Variants in NEBL observed in about 807,000 individuals in gnomAD.
The protein encoded by NEBL is LIM and SH3 protein 2.
Under a neutral mutation model 140.2 loss-of-function variants are expected in NEBL, and 122 were observed. The ratio of observed to expected loss-of-function variants is 0.87; its 90% CI spans 0.75 to 1.01. NEBL has a LOEUF of 1.01. Ranked by LOEUF, NEBL falls within the 50% of genes least tolerant of loss-of-function variation. The pLI is 0.00. For missense variants in NEBL, 1,365 were observed against 1,231.3 expected, an observed-to-expected ratio of 1.11 and a Z score of -1.62; for synonymous variants, 436 against 398.9, an observed-to-expected ratio of 1.09 and a Z score of -1.11.
chr10:20,949,526 C>T (rs548487585), intron 4 of NEBL, among the ~76,000 whole-genome samples: 2 of 152,252 alleles, frequency 1.3e-5, no homozygotes, highest in Non-Finnish European at 2.9e-5. Flanking sequence ...GAAGGAACCA[C>T]GGCCAGAGTT....
Position 21,141,738 on chromosome 10 carries a change from T to C in NEBL, c.164+30645A>G, listed in dbSNP as rs866536867. ...CCCATTCTTAATAAAAGTCAGAAAA[T>C]CTCAGAGTGTGTTATCTGAAGTATG... On this transcript the variant is annotated intron_variant, in intron 2 of 6. Coordinates refer to the NEBL transcript ENST00000417816. 3.3e-5 allele frequency among the ~76,000 whole-genome samples: 5 copies of C among 152,200 alleles called. No individual in the cohort carries two copies. In the Middle Eastern group the frequency reaches 0.014, roughly 414 times the overall value.
chr10:21,178,851 A>G (rs914343409), upstream of NEBL, among the ~76,000 whole-genome samples: 7 of 152,226 alleles, frequency 4.6e-5, no homozygotes, highest in African/African-American at 1.7e-4. Context: ...GTAGGAGGAC[A>G]AGCAACCCTT....
At position 20,894,737 on chromosome 10, in the gene NEBL, AC is replaced by A. The variant is rs1285025589; in HGVS notation, c.153+2220del. 8.6e-5 allele frequency among the ~76,000 whole-genome samples: 12 copies of A among 139,444 alleles called. No homozygotes were observed. In the South Asian group the frequency reaches 2.8e-3, roughly 32 times the overall value. The allele number at this position is 139,444 out of a possible 152,430, so 91.5% of individuals were successfully genotyped here. ...AGTCCATCCTAACTAACACGGTGAA[AC>A]CCCGTCTCTACTAAAAAAAAAAAAA... On this transcript the variant is annotated intron_variant, in intron 2 of 27. Coordinates refer to ENST00000377122, the MANE Select transcript of NEBL (RefSeq NM_006393.3).
At chr10:21,044,397 T>TA (rs57176129) in intron 2 of NEBL, among the ~76,000 whole-genome samples, 5,190 of 34,562 alleles carry the variant, frequency 0.15, 1,258 homozygotes, top group Middle Eastern at 0.32. Context: ...AGAGTAAGAA[T>TA]AAAAAAAAAA....
At chr10:20,841,888 A>T (rs1247369241) in intron 12 of NEBL, among the ~76,000 whole-genome samples, 5 of 152,112 alleles carry the variant, frequency 3.3e-5, no homozygotes, top group African/African-American at 1.2e-4. Flanking sequence ...CATTAATAAT[A>T]GTTTGAATTT....
intron 26 of NEBL, among the ~76,000 whole-genome samples, chr10:20,798,602 C>T (rs1013255723): frequency 6.6e-6 from 1 of 152,194 alleles, no homozygotes; most frequent in African/African-American, 2.4e-5. Flanking sequence ...TTCTCCTTTA[C>T]ATGCATGTCA....
intron 5 of NEBL, 77 bp downstream of exon 5, chr10:20,880,717 T>A (rs1845939543): frequency 9.1e-7 from 1 of 1,100,172 alleles, no homozygotes; most frequent in African/African-American, 1.5e-5. Flanking sequence ...ATGTTTAAAT[T>A]TCAGCAAAAT....
chr10:20,943,976 G>A (rs574821136), intron 4 of NEBL, among the ~76,000 whole-genome samples: 24 of 152,284 alleles, frequency 1.6e-4, no homozygotes, highest in South Asian at 1.5e-3. Flanking sequence ...CTAGTCTCTG[G>A]TCTGTTTAAT....
intron 2 of NEBL, among the ~76,000 whole-genome samples, chr10:21,152,305 T>C (rs1193605113): frequency 2.0e-5 from 3 of 152,102 alleles, no homozygotes; most frequent in Non-Finnish European, 4.4e-5. Context: ...GTGACGCCAG[T>C]GTAATATTTT....
At position 21,024,861 on chromosome 10, in the gene NEBL, A is replaced by G. The variant is rs904154641; in HGVS notation, c.165-4660T>C. 2.0e-5 allele frequency among the ~76,000 whole-genome samples: 3 copies of G among 152,226 alleles called. No homozygotes were observed. In the East Asian group the frequency reaches 5.8e-4, roughly 29 times the overall value. On this transcript the variant is annotated intron_variant, in intron 2 of 6. Coordinates refer to the NEBL transcript ENST00000417816. Reference sequence around the variant, plus strand: ...AAGAAAACCAGATAAGATAAGAAATAAACTGAGGGGCTGGTGGTCCTCATA... The same window carrying G: ...AAGAAAACCAGATAAGATAAGAAATGAACTGAGGGGCTGGTGGTCCTCATA...
intron 4 of NEBL, among the ~76,000 whole-genome samples, chr10:20,936,322 G>A (rs1834481805): frequency 6.6e-6 from 1 of 152,108 alleles, no homozygotes; most frequent in African/African-American, 2.4e-5. Flanking sequence ...TACGGTAAAA[G>A]GGGCAATAAA....
chr10:20,926,407 T>A (rs1833915633), intron 4 of NEBL, among the ~76,000 whole-genome samples: 1 of 17,652 alleles, frequency 5.7e-5, no homozygotes, highest in South Asian at 1.1e-3. Flanking sequence ...AAATTTTGCT[T>A]CTTTTATGAT....
chr10:21,140,950 A>C (rs1404760291), intron 2 of NEBL, among the ~76,000 whole-genome samples: 5 of 152,046 alleles, frequency 3.3e-5, no homozygotes, highest in Non-Finnish European at 5.9e-5. Flanking sequence ...CCAGAACTTA[A>C]AGTAAAATTA....
intron 4 of NEBL, among the ~76,000 whole-genome samples, chr10:20,921,950 G>A (rs780918595): frequency 6.6e-6 from 1 of 152,122 alleles, no homozygotes; most frequent in Non-Finnish European, 1.5e-5. Flanking sequence ...TCTGTGTAAG[G>A]TTAGTAATAA....
At chr10:21,001,912 C>T (rs1837919049) in intron 3 of NEBL, among the ~76,000 whole-genome samples, 1 of 152,168 alleles carries the variant, frequency 6.6e-6, no homozygotes, top group African/African-American at 2.4e-5. Flanking sequence ...CTCTGTTTTT[C>T]CACCAACACT....
chr10:21,146,906 C>T (rs1353299337), intron 2 of NEBL, among the ~76,000 whole-genome samples: 1 of 152,042 alleles, frequency 6.6e-6, no homozygotes, highest in African/African-American at 2.4e-5. Flanking sequence ...GGGAGATAGG[C>T]CTTAGGGTTT....
intron 2 of NEBL, among the ~76,000 whole-genome samples, chr10:21,251,126 G>A (rs1842583034): frequency 6.6e-6 from 1 of 151,812 alleles, no homozygotes; most frequent in Non-Finnish European, 1.5e-5. Flanking sequence ...TATTATTTTT[G>A]CTTGTGATAT....
chr10:20,849,153 T>C (rs183005362), intron 11 of NEBL, among the ~76,000 whole-genome samples: 18 of 152,206 alleles, frequency 1.2e-4, no homozygotes, highest in Admixed American at 2.6e-4. Flanking sequence ...CACAAAACTT[T>C]GATATAGGCT....
chr10:21,011,664 G>GTGGC (rs1554817818), intron 3 of NEBL, among the ~76,000 whole-genome samples: 4 of 146,878 alleles, frequency 2.7e-5, no homozygotes, highest in Admixed American at 2.7e-4. Flanking sequence ...GTTGGCATCT[G>GTGGC]TGGCATCTGT....
Sources: allele counts gnomAD v4.1 joint callset (sites outside exome capture counted in the v4.1 genomes callset), GRCh38; gene constraint gnomAD v4.1.1; transcripts MANE v1.5; gene names NCBI Gene and HGNC (gene_info 2026-07-23, HGNC 2026-07-21).